The following FAM135B variants were observed in gnomAD, a reference collection of about 807,000 sequenced individuals.
FAM135B encodes family with sequence similarity 135 member B, also known as protein FAM135B.
Under a neutral mutation model 127.7 loss-of-function variants are expected in FAM135B, and 43 were observed. The ratio of observed to expected loss-of-function variants is 0.34; its 90% confidence interval spans 0.26 to 0.43. The LOEUF (loss-of-function observed/expected upper bound fraction) is 0.43. FAM135B is among the 20% of genes least tolerant of loss of function. FAM135B has a pLI of 1.00. For synonymous variants in FAM135B, 670 were observed against 665.1 expected, an observed-to-expected ratio of 1.01 and a Z score of -0.11; for missense variants, 1,558 against 1,725.6, an observed-to-expected ratio of 0.90 and a Z score of 1.72.
At chr8:138,372,043 A>T (rs1831161674) in intron 1 of FAM135B, among the ~76,000 whole-genome samples, 1 of 152,110 alleles carries the variant, frequency 6.6e-6, no homozygotes, top group Non-Finnish European at 1.5e-5. Flanking sequence ...AAGAGGGGGG[A>T]CCTGGGTCTT....
At chr8:138,433,099 T>A (rs1245077296) in intron 1 of FAM135B, among the ~76,000 whole-genome samples, 1 of 152,112 alleles carries the variant, frequency 6.6e-6, no homozygotes, top group East Asian at 1.9e-4. Flanking sequence ...TAGAAAGTCA[T>A]AATAAAATTA....
rs942498664 is a variant in FAM135B, at chr8:138,338,661, G to A, written c.78-27741C>T. 7.0e-4 allele frequency among the ~76,000 whole-genome samples: 106 copies of A among 151,522 alleles called. No individual in the cohort carries two copies. In the Middle Eastern group the frequency reaches 0.014, roughly 19 times the overall value. ...ATAGGAACACTTTTACACTGTTGGT[G>A]GGACTGTAAACTAGTTCAACCATTG... On this transcript the variant is annotated intron_variant, in intron 2 of 19. Coordinates refer to ENST00000395297, the MANE Select transcript of FAM135B (RefSeq NM_015912.4).
intron 7 of FAM135B, among the ~76,000 whole-genome samples, chr8:138,218,612 C>T (rs1818756915): frequency 6.6e-6 from 1 of 152,108 alleles, no homozygotes; most frequent in African/African-American, 2.4e-5. Context: ...TTTGCAAAAA[C>T]TGAATATACA....
intron 1 of FAM135B, among the ~76,000 whole-genome samples, chr8:138,432,757 T>C (rs1219441654): frequency 1.3e-5 from 2 of 152,088 alleles, no homozygotes; most frequent in African/African-American, 4.8e-5. Context: ...CCGATACACA[T>C]GTACCATGAC....
intron 2 of FAM135B, among the ~76,000 whole-genome samples, chr8:138,325,992 C>G (rs1338293523): frequency 6.6e-6 from 1 of 152,154 alleles, no homozygotes; most frequent in Admixed American, 6.6e-5. Flanking sequence ...AATGTCTGTA[C>G]TCCTAGAAGG....
chr8:138,427,468 AG>A (rs1834957949), intron 1 of FAM135B, among the ~76,000 whole-genome samples: 1 of 152,004 alleles, frequency 6.6e-6, no homozygotes, highest in Non-Finnish European at 1.5e-5. Flanking sequence ...ATATAAGTTA[AG>A]TTTTCTGAAC....
intron 1 of FAM135B, among the ~76,000 whole-genome samples, chr8:138,467,229 C>T (rs904796176): frequency 6.6e-6 from 1 of 152,136 alleles, no homozygotes; most frequent in Non-Finnish European, 1.5e-5. Context: ...AGTCTAACCA[C>T]AGGGTTCACC....
chr8:138,159,296 C>T (rs1330283466), intron 12 of FAM135B, among the ~76,000 whole-genome samples: 1 of 117,028 alleles, frequency 8.5e-6, no homozygotes, highest in Non-Finnish European at 1.8e-5. Flanking sequence ...AAAAAAGACA[C>T]ATGCACACAT....
chr8:138,224,013 A>G (rs1157493855), intron 7 of FAM135B, among the ~76,000 whole-genome samples: 1 of 151,980 alleles, frequency 6.6e-6, no homozygotes, highest in Non-Finnish European at 1.5e-5. Flanking sequence ...TGGTAAGAAT[A>G]GAAACTGGGG....
intron 1 of FAM135B, among the ~76,000 whole-genome samples, chr8:138,394,816 C>T (rs942014367): frequency 6.6e-6 from 1 of 152,130 alleles, no homozygotes; most frequent in Non-Finnish European, 1.5e-5. Flanking sequence ...CAGCTTAGGT[C>T]TAGGCAACTG....
intron 2 of FAM135B, among the ~76,000 whole-genome samples, chr8:138,364,942 G>A (rs372269738): frequency 2.8e-4 from 43 of 152,164 alleles, no homozygotes; most frequent in African/African-American, 8.2e-4. Flanking sequence ...CCACCTCCTG[G>A]TTCAAGCAGT....
intron 3 of FAM135B, among the ~76,000 whole-genome samples, chr8:138,284,049 C>T (rs1586963830): frequency 2.0e-5 from 3 of 152,020 alleles, no homozygotes; most frequent in Middle Eastern, 6.8e-3. Context: ...GGACCTTCCC[C>T]TCAATTTTTC....
intron 1 of FAM135B, among the ~76,000 whole-genome samples, chr8:138,472,375 AG>A (rs1040893315): frequency 6.6e-6 from 1 of 152,152 alleles, no homozygotes; most frequent in African/African-American, 2.4e-5. Context: ...ATCTGGCCTT[AG>A]AAAGAGGTCC....
chr8:138,162,557 G>C (rs907664636), intron 12 of FAM135B, among the ~76,000 whole-genome samples: 1 of 152,188 alleles, frequency 6.6e-6, no homozygotes. Flanking sequence ...GGCACAGGAG[G>C]TATGTAGGAA....
At chr8:138,456,060 T>C (rs919246871) in intron 1 of FAM135B, among the ~76,000 whole-genome samples, 1 of 152,210 alleles carries the variant, frequency 6.6e-6, no homozygotes, top group East Asian at 1.9e-4. Flanking sequence ...TGTCAGCACA[T>C]AGTAGGTGGT....
chr8:138,242,685 T>G lies in FAM135B; in HGVS notation c.669+257A>C, dbSNP rs1226278554. Reference sequence around the variant, plus strand: ...GCCTCCTGACCTACAGAGAACCATATTCTTCCAAGAGACCACATATAACAA... The same window carrying G: ...GCCTCCTGACCTACAGAGAACCATAGTCTTCCAAGAGACCACATATAACAA... On this transcript the variant is annotated intron_variant, in intron 7 of 19. Transcript: ENST00000395297. This position sits in a 1 kb window ranked among gnomAD's most constrained non-coding sequence, Gnocchi z 9.6. Among the ~76,000 whole-genome samples, 1 of 152,114 alleles carries G rather than the reference T, an allele frequency of 6.6e-6. No homozygotes were observed. Among genetic ancestry groups the G allele is most frequent in the Non-Finnish European group, 1.5e-5 (1 of 68,030 alleles).
chr8:138,348,970 C>A (rs1162961479), intron 2 of FAM135B, among the ~76,000 whole-genome samples: 1 of 152,224 alleles, frequency 6.6e-6, no homozygotes, highest in African/African-American at 2.4e-5. Flanking sequence ...TGGCCAGGGC[C>A]CAGGCCCCTC....
At chr8:138,402,963 T>C (rs532396945) in intron 1 of FAM135B, among the ~76,000 whole-genome samples, 1 of 152,248 alleles carries the variant, frequency 6.6e-6, no homozygotes, top group African/African-American at 2.4e-5. Flanking sequence ...AGAGATGATC[T>C]TTCTCTCTGC....
chr8:138,186,566 G>C (rs529654353), intron 9 of FAM135B, among the ~76,000 whole-genome samples: 2 of 151,996 alleles, frequency 1.3e-5, no homozygotes, highest in South Asian at 4.1e-4. Flanking sequence ...TGCAATGACC[G>C]GCCAATTCTT....
Sources: allele counts gnomAD v4.1 joint callset (sites outside exome capture counted in the v4.1 genomes callset), GRCh38; gene constraint gnomAD v4.1.1; non-coding constraint Gnocchi (gnomAD v3.1); transcripts MANE v1.5; gene names NCBI Gene and HGNC (gene_info 2026-07-23, HGNC 2026-07-21).